ROS1: variants seen among roughly 807,000 people sequenced by gnomAD.
ROS1 encodes proto-oncogene tyrosine-protein kinase ROS.
Under a neutral mutation model 273.5 loss-of-function variants are expected in ROS1, and 263 were observed. The ratio of observed to expected loss-of-function variants is 0.96; its 90% CI spans 0.87 to 1.06. The LOEUF is 1.06. ROS1 is among the 50% of genes least tolerant of loss of function. The probability of loss-of-function intolerance (pLI) is 0.00; values close to 1 mark genes in which losing one functional copy is unlikely to be tolerated. For synonymous variants in ROS1, 1,008 were observed against 954.1 expected, an observed-to-expected ratio of 1.06 and a Z score of -1.04; for missense variants, 2,833 against 2,751.1, an observed-to-expected ratio of 1.03 and a Z score of -0.67.
chr6:117,297,472 C>T (rs1774332483), intron 43 of ROS1, among the ~76,000 whole-genome samples: 1 of 152,060 alleles, frequency 6.6e-6, no homozygotes, highest in Non-Finnish European at 1.5e-5. Context: ...ATTCACTCAA[C>T]AGGGGTCTAA....
At chr6:117,313,366 G>C (rs190486559) in intron 39 of ROS1, among the ~76,000 whole-genome samples, 1 of 151,998 alleles carries the variant, frequency 6.6e-6, no homozygotes, top group Admixed American at 6.6e-5. Context: ...TCAGGAGTTC[G>C]AGACCAGCCT....
chr6:117,306,269 G>C (rs1244267474), intron 42 of ROS1, among the ~76,000 whole-genome samples: 1 of 152,058 alleles, frequency 6.6e-6, no homozygotes, highest in Non-Finnish European at 1.5e-5. Context: ...GATCCGATTA[G>C]TATCTAGGTG....
chr6:117,329,387 G>A lies in ROS1; in HGVS notation c.5290C>T (p.Gln1764Ter), dbSNP rs2128593376. ...CCATTATCTTCAGCTTTCTCCCACT[G>A]TATTGAATTTTTACTCCCTTCTAGT... ...KLLEGSKNSI[Q>*]WEKAEDNGCR... Residue 1764 changes from glutamine (Q) to a stop codon, truncating the protein, a stop_gained, in exon 33 of 44, where the codon CAG becomes TAG. Coordinates refer to ENST00000368507, the MANE Select transcript of ROS1 (RefSeq NM_001378902.1). LOFTEE classifies it high-confidence loss of function. 1 of 1,603,870 alleles carries A rather than the reference G, an allele frequency of 6.2e-7. No individual in the cohort carries two copies. The highest frequency in any genetic ancestry group is 8.5e-7 in the Non-Finnish European group (1 of 1,171,268).
At chr6:117,319,468 C>G (rs1776134479) in intron 37 of ROS1, among the ~76,000 whole-genome samples, 1 of 152,096 alleles carries the variant, frequency 6.6e-6, no homozygotes, top group Non-Finnish European at 1.5e-5. Flanking sequence ...TTGTCTATGA[C>G]AATACAATGG....
In ROS1 at chr6:117,397,045, G is replaced by T. The variant is rs142201886; in HGVS notation, c.676C>A (p.Pro226Thr). ...SPDTVEVSWD[P>T]PQFPGGPILG... is the part of the protein sequence containing the mutation. ...ATAGGTCCACCTGGGAATTGAGGTG[G>T]ATCCCAGCTGACTTCCACAGTGTCG... The change falls in exon 8 of 44, where the codon CCA (proline) becomes ACA (threonine). Residue 226 changes from proline (P) to threonine (T), a missense_variant. Pro to Thr is a conservative substitution (Grantham distance 38). Transcript: ENST00000368507. 5.7e-4 allele frequency: 923 copies of T among 1,613,574 alleles called. No homozygotes were observed. Among genetic ancestry groups the T allele is most frequent in the Admixed American group, 7.7e-4 (46 of 60,006 alleles).
At chr6:117,307,076 TA>T (rs1274137150) in intron 42 of ROS1, among the ~76,000 whole-genome samples, 9 of 152,198 alleles carry the variant, frequency 5.9e-5, no homozygotes, top group Non-Finnish European at 1.2e-4. Context: ...TTTCCACTCA[TA>T]ATCAGGAATA....
chr6:117,324,087 A>G (rs1230860487), intron 35 of ROS1, among the ~76,000 whole-genome samples: 1 of 152,222 alleles, frequency 6.6e-6, no homozygotes, highest in Non-Finnish European at 1.5e-5. Context: ...CCTTGCAAGT[A>G]GTTTTATCTA....
Position 117,365,589 on chromosome 6 carries a change from G to A in ROS1, c.2950C>T (p.His984Tyr). The A allele has an allele frequency of 1.2e-6, 2 of 1,612,622 alleles. No individual in the cohort carries two copies. Among genetic ancestry groups the A allele is most frequent in the Non-Finnish European group, 1.7e-6 (2 of 1,178,718 alleles). Reference sequence around the variant, plus strand: ...TAGAACCAACACCATACCTTAGAATGAGCACTAAATTCTACACTGTAGAAA... The same window carrying A: ...TAGAACCAACACCATACCTTAGAATAAGCACTAAATTCTACACTGTAGAAA... ...VVFYSVEFSA[H>Y]SKFLASEQHS... Residue 984 changes from histidine (H) to tyrosine (Y), a missense_variant, in exon 20 of 44, where the codon CAT becomes TAT. By Grantham distance (83) the His-to-Tyr change is moderately conservative (BLOSUM62 2). Transcript: ENST00000368507.
intron 32 of ROS1, among the ~76,000 whole-genome samples, chr6:117,332,522 C>A (rs934551203): frequency 6.6e-6 from 1 of 152,150 alleles, no homozygotes; most frequent in Non-Finnish European, 1.5e-5. Flanking sequence ...AACTTTCTAG[C>A]CCAAATCAAC....
In ROS1 at chr6:117,360,421, C is replaced by T; in HGVS notation, c.3367-16G>A. 6.3e-7 allele frequency: 1 copy of T among 1,598,190 alleles called. No homozygotes were observed. Among genetic ancestry groups the T allele is most frequent in the Non-Finnish European group, 8.6e-7 (1 of 1,167,418 alleles). On this transcript the variant is annotated splice_polypyrimidine_tract_variant and intron_variant, in intron 22 of 43. Coordinates refer to ENST00000368507, the MANE Select transcript of ROS1 (RefSeq NM_001378902.1). ...AGGCCCTAACCTAAAGAAAAGGAAACAAAAATTGCATTCAGTAGTGTTCTC... is the reference window on the plus strand; with the variant it reads ...AGGCCCTAACCTAAAGAAAAGGAAATAAAAATTGCATTCAGTAGTGTTCTC...
intron 5 of ROS1, among the ~76,000 whole-genome samples, chr6:117,409,232 A>T (rs1257834507): frequency 8.7e-6 from 1 of 115,008 alleles, no homozygotes; most frequent in Non-Finnish European, 1.8e-5. Context: ...ATAAATAAAT[A>T]AAAAAGAGAG....
chr6:117,412,147 T>C (rs1376278598), intron 4 of ROS1, among the ~76,000 whole-genome samples: 1 of 152,128 alleles, frequency 6.6e-6, no homozygotes, highest in Non-Finnish European at 1.5e-5. Flanking sequence ...GAGTATGAGA[T>C]GAAGTCAAGA....
Position 117,341,266 on chromosome 6 carries a change from G to T in ROS1, c.4930C>A (p.Pro1644Thr), listed in dbSNP as rs1320046867. ...SEEMWCTESH[P>T]VTVEMFNTPE... is the part of the protein sequence containing the mutation. ...GTGTTAAACATTTCCACAGTGACAGGATGACTCTCTGTACACCACATTTCC... is the reference window on the plus strand; with the variant it reads ...GTGTTAAACATTTCCACAGTGACAGTATGACTCTCTGTACACCACATTTCC... The change falls in exon 31 of 44, where the codon CCT becomes ACT. Residue 1644 changes from proline (P) to threonine (T), a missense_variant. Transcript: ENST00000368507. 4 of 1,613,470 alleles carry T rather than the reference G, an allele frequency of 2.5e-6. No individual in the cohort carries two copies. Among genetic ancestry groups the T allele is most frequent in the Non-Finnish European group, 8.5e-7 (1 of 1,179,626 alleles).
chr6:117,400,004 G>A (rs1353433677), intron 7 of ROS1, among the ~76,000 whole-genome samples: 1 of 152,112 alleles, frequency 6.6e-6, no homozygotes, highest in Admixed American at 6.6e-5. Flanking sequence ...TCCTTACCCA[G>A]GACATTTAAG....
intron 32 of ROS1, among the ~76,000 whole-genome samples, chr6:117,334,115 A>T (rs149021175): frequency 0.013 from 1,974 of 152,192 alleles, 11 homozygotes; most frequent in South Asian, 0.029. Context: ...CAGCCCAAAA[A>T]CTTCTTGAAC....
At chr6:117,410,997 GA>G (rs1774857931) in intron 4 of ROS1, among the ~76,000 whole-genome samples, 1 of 152,038 alleles carries the variant, frequency 6.6e-6, no homozygotes, top group Admixed American at 6.6e-5. Flanking sequence ...TATATAACAT[GA>G]GGGGTTTTTT....
intron 43 of ROS1, among the ~76,000 whole-genome samples, chr6:117,293,801 A>G (rs1345361126): frequency 6.6e-6 from 1 of 152,188 alleles, no homozygotes; most frequent in Non-Finnish European, 1.5e-5. Flanking sequence ...ATAGTCACAA[A>G]GAATTTGAGC....
chr6:117,409,615 T>C lies in ROS1; in HGVS notation c.283A>G (p.Ser95Gly), dbSNP rs775755714. The change falls in exon 5 of 44, where the codon AGC (serine) becomes GGC (glycine). Residue 95 changes from serine to glycine, a missense_variant. Ser to Gly is a moderately conservative substitution (Grantham distance 56). Transcript: ENST00000368507. Reference protein sequence around the residue: ...ERESCEVGCSSAEGAYEEEVL... With the variant: ...ERESCEVGCSGAEGAYEEEVL... Reference sequence around the variant, plus strand: ...TCCTCTTCATATGCACCTTCCGCGCTGCTACAGCCAACCTCACACGACTCC... The same window carrying C: ...TCCTCTTCATATGCACCTTCCGCGCCGCTACAGCCAACCTCACACGACTCC... 2.5e-6 allele frequency: 4 copies of C among 1,613,902 alleles called. No homozygotes were observed. The highest frequency in any genetic ancestry group is 3.4e-6 in the Non-Finnish European group (4 of 1,179,936).
chr6:117,382,202 A>T (rs1772211143), intron 17 of ROS1, among the ~76,000 whole-genome samples: 1 of 152,132 alleles, frequency 6.6e-6, no homozygotes, highest in South Asian at 2.1e-4. Context: ...GAATTAAGAG[A>T]CCTTTTTATT....
Sources: allele counts gnomAD v4.1 joint callset (sites outside exome capture counted in the v4.1 genomes callset), GRCh38; gene constraint gnomAD v4.1.1; transcripts MANE v1.5; gene names NCBI Gene and HGNC (gene_info 2026-07-23, HGNC 2026-07-21).